Variants in BUB1 observed in about 807,000 individuals in gnomAD.
BUB1 encodes the protein BUB1 mitotic checkpoint serine/threonine kinase.
BUB1 carries 84 observed loss-of-function variants against 135.2 expected under a neutral mutation model. The ratio of observed to expected loss-of-function variants is 0.62; its 90% confidence interval spans 0.52 to 0.74. The LOEUF (loss-of-function observed/expected upper bound fraction) is 0.74, where lower values mean the gene tolerates loss of function less well. Ranked by LOEUF, BUB1 falls within the 30% of genes least tolerant of loss-of-function variation. The probability of loss-of-function intolerance (pLI) is 0.00; values close to 1 mark genes in which losing one functional copy is unlikely to be tolerated. For missense variants in BUB1, 1,162 were observed against 1,288.3 expected (o/e 0.90, Z 1.50); for synonymous variants, 403 against 434.4 (o/e 0.93, Z 0.90).
chr2:110,640,172 C>T (rs1183351465), intron 23 of BUB1, among the ~76,000 whole-genome samples: 11 of 152,126 alleles, frequency 7.2e-5, no homozygotes, highest in Non-Finnish European at 4.4e-5. Flanking sequence ...AGCTCACTCC[C>T]CTGGGACTCT....
intron 9 of BUB1, 116 bp from the exon 10 acceptor site, chr2:110,661,957 T>C: frequency 7.8e-7 from 1 of 1,289,908 alleles, no homozygotes; most frequent in African/African-American, 1.5e-5. Context: ...TCCTTTTTCC[T>C]TGAAGTTTCC....
chr2:110,653,392 T>G (rs1384393517), intron 17 of BUB1, 44 bp downstream of exon 17: 1 of 1,564,034 alleles, frequency 6.4e-7, no homozygotes, highest in Non-Finnish European at 8.8e-7. Flanking sequence ...AATGTTAGAA[T>G]GAAAATGAAG....
chr2:110,643,314 C>T (rs1388817917), intron 19 of BUB1, among the ~76,000 whole-genome samples: 3 of 152,140 alleles, frequency 2.0e-5, no homozygotes, highest in Admixed American at 2.0e-4. Flanking sequence ...AAGAACTGCA[C>T]ATCTGAGACC....
At chr2:110,654,437 C>A (rs892654920) in intron 16 of BUB1, among the ~76,000 whole-genome samples, 2 of 152,052 alleles carry the variant, frequency 1.3e-5, no homozygotes, top group African/African-American at 4.8e-5. Flanking sequence ...TAATACTGCA[C>A]ACAGCCAAGT....
chr2:110,650,630 T>A lies in BUB1; in HGVS notation c.2119A>T (p.Ile707Phe), dbSNP rs778262912. 1.1e-5 allele frequency: 18 copies of A among 1,613,868 alleles called. No homozygotes were observed. Among genetic ancestry groups the A allele is most frequent in the Admixed American group, 1.7e-5 (1 of 59,934 alleles). ...ATAGCATCTGGTGGATCTTCTGCAA[T>A]GGCAGCGTCAGTGTCTGTGAGTCTG... is the stretch of plus-strand genomic sequence containing the variant. ...ACRLTDTDAA[I>F]AEDPPDAIAG... The change falls in exon 18 of 25, where the codon ATT becomes TTT. Residue 707 changes from isoleucine to phenylalanine, a missense_variant. Physicochemically the swap from Ile to Phe is conservative, Grantham distance 21 (BLOSUM62 0). Transcript: ENST00000302759.
chr2:110,663,519 G>A (rs1383604490), intron 9 of BUB1, among the ~76,000 whole-genome samples: 1 of 152,142 alleles, frequency 6.6e-6, no homozygotes, highest in African/African-American at 2.4e-5. Flanking sequence ...GTTTGAAAAA[G>A]GGAGGCTTCT....
intron 17 of BUB1, among the ~76,000 whole-genome samples, chr2:110,653,128 C>T (rs1026217497): frequency 2.6e-5 from 4 of 152,136 alleles, no homozygotes; most frequent in African/African-American, 9.7e-5. Context: ...CTTAGTTTCC[C>T]AAGACCTTGA....
At chr2:110,674,056 G>T in intron 3 of BUB1, 30 bp downstream of exon 3, 2 of 1,447,714 alleles carry the variant, frequency 1.4e-6, no homozygotes, top group Non-Finnish European at 1.9e-6. Flanking sequence ...CATGATTATA[G>T]ATTTGATTAT....
At chr2:110,653,807 A>C (rs953565208) in intron 16 of BUB1, among the ~76,000 whole-genome samples, 7 of 151,986 alleles carry the variant, frequency 4.6e-5, no homozygotes, top group Non-Finnish European at 8.8e-5. Flanking sequence ...AGTTTGAGGC[A>C]AGGCTGAGCA....
Position 110,668,995 on chromosome 2 carries a change from A to G in BUB1, c.567+458T>C, listed in dbSNP as rs557250361. On this transcript the variant is annotated intron_variant, in intron 6 of 24. Coordinates refer to ENST00000302759, the MANE Select transcript of BUB1 (RefSeq NM_004336.5). Reference sequence around the variant, plus strand: ...AAAGAGTGAATCAGACACTGGAAGCATGTCCCATTGCCTGGGAGTATGACC... The same window carrying G: ...AAAGAGTGAATCAGACACTGGAAGCGTGTCCCATTGCCTGGGAGTATGACC... Among the ~76,000 whole-genome samples the G allele has an allele frequency of 3.9e-5, 6 of 152,332 alleles. No homozygotes were observed. The South Asian group carries it at 1.2e-3, about 32-fold the overall frequency.
At chr2:110,656,686 C>T (rs948368243) in intron 15 of BUB1, among the ~76,000 whole-genome samples, 1 of 152,140 alleles carries the variant, frequency 6.6e-6, no homozygotes, top group Non-Finnish European at 1.5e-5. Context: ...TCTAATTTTC[C>T]CTTTCCCTTT....
In BUB1 at chr2:110,650,549, G is replaced by A. The variant is rs543760205; in HGVS notation, c.2200C>T (p.Pro734Ser). The change falls in exon 18 of 25, where the codon CCA (proline) becomes TCA (serine). Residue 734 changes from proline to serine, a missense_variant. Physicochemically the swap from Pro to Ser is moderately conservative, Grantham distance 74. Coordinates refer to ENST00000302759, the MANE Select transcript of BUB1 (RefSeq NM_004336.5). ...AACAAAGAGTGAGTGTTCGTACTTG[G>A]AGCATCAACAGTCCCAAGTGAACTC... ...QMSSLGTVDA[P>S]NFIVGNPWDD... 3 of 1,612,970 alleles carry A rather than the reference G, an allele frequency of 1.9e-6. No individual in the cohort carries two copies. The highest frequency in any genetic ancestry group is 2.2e-5 in the East Asian group (1 of 44,864).
chr2:110,658,311 G>T, intron 13 of BUB1, 99 bp downstream of exon 13: 1 of 927,752 alleles, frequency 1.1e-6, no homozygotes, highest in Non-Finnish European at 1.6e-6. Flanking sequence ...TATGTGACAA[G>T]CTAATCAAGG....
chr2:110,675,762 C>T (rs972129437), intron 1 of BUB1, among the ~76,000 whole-genome samples: 2 of 152,178 alleles, frequency 1.3e-5, no homozygotes, highest in African/African-American at 4.8e-5. Flanking sequence ...AGAGATCCTC[C>T]TGCCTCAGCC....
intron 16 of BUB1, 61 bp from the exon 17 acceptor site, chr2:110,653,584 C>A (rs1308833433): frequency 7.4e-7 from 1 of 1,350,486 alleles, no homozygotes; most frequent in East Asian, 2.3e-5. Context: ...ACAACACACA[C>A]CATTTGATAT....
intron 19 of BUB1, among the ~76,000 whole-genome samples, chr2:110,643,219 G>A (rs1012540485): frequency 7.2e-5 from 11 of 152,122 alleles, no homozygotes; most frequent in Middle Eastern, 3.2e-3. Context: ...ACAGACAAGT[G>A]GACGCAGAGA....
At chr2:110,649,436 T>G in intron 18 of BUB1, 59 bp from the exon 19 acceptor site, 1 of 1,446,504 alleles carries the variant, frequency 6.9e-7, no homozygotes, top group Non-Finnish European at 9.3e-7. Context: ...TCAAGAACTT[T>G]ACCAAATAAA....
At chr2:110,676,213 A>C (rs554770450) in intron 1 of BUB1, among the ~76,000 whole-genome samples, 3 of 152,262 alleles carry the variant, frequency 2.0e-5, no homozygotes, top group African/African-American at 7.2e-5. Flanking sequence ...AGCAAAGGGC[A>C]TAATAAATTA....
At position 110,667,715 on chromosome 2, in the gene BUB1, G is replaced by A. The variant is rs773516022; in HGVS notation, c.621-10C>T. The A allele has an allele frequency of 6.2e-6, 10 of 1,610,484 alleles. No individual in the cohort carries two copies. The highest frequency in any genetic ancestry group is 1.7e-4 in the Middle Eastern group (1 of 6,028). Reference sequence around the variant, plus strand: ...GATCACTCTTCGTTCCCTACAATGGGGGAAAATACATTATTTACAACAATG... The same window carrying A: ...GATCACTCTTCGTTCCCTACAATGGAGGAAAATACATTATTTACAACAATG... On this transcript the variant is annotated splice_polypyrimidine_tract_variant and intron_variant, in intron 7 of 24. Transcript: ENST00000302759.
Sources: allele counts gnomAD v4.1 joint callset (sites outside exome capture counted in the v4.1 genomes callset), GRCh38; gene constraint gnomAD v4.1.1; transcripts MANE v1.5; gene names NCBI Gene and HGNC (gene_info 2026-07-23, HGNC 2026-07-21).